Variants in HEBP1 observed in about 807,000 individuals in gnomAD.
The protein encoded by HEBP1 is heme binding protein 1.
Under a neutral mutation model 20.4 loss-of-function variants are expected in HEBP1, and 13 were observed. That is an observed-to-expected ratio of 0.64 (90% CI 0.42 to 1.01). The LOEUF (loss-of-function observed/expected upper bound fraction) is 1.01, where lower values mean the gene tolerates loss of function less well. Ranked by LOEUF, HEBP1 falls within the 50% of genes least tolerant of loss-of-function variation. The probability of loss-of-function intolerance (pLI) is 0.00; values close to 1 mark genes in which losing one functional copy is unlikely to be tolerated. For missense variants in HEBP1, 241 were observed against 247.3 expected (o/e 0.97, Z 0.17); for synonymous variants, 92 against 90.7 (o/e 1.01, Z -0.08).
At chr12:12,989,244 G>A (rs753922468) in intron 2 of HEBP1, 33 bp downstream of exon 2, 13 of 1,611,020 alleles carry the variant, frequency 8.1e-6, no homozygotes, top group East Asian at 6.7e-5. Flanking sequence ...GCTGGTCCCC[G>A]AGACCAGAGC....
chr12:12,985,178 A>G (rs1864137316), intron 3 of HEBP1, among the ~76,000 whole-genome samples: 1 of 152,086 alleles, frequency 6.6e-6, no homozygotes, highest in Non-Finnish European at 1.5e-5. Flanking sequence ...GGGAAATCTG[A>G]GCATTGAATA....
Position 12,989,411 on chromosome 12 carries a change from T to C in HEBP1, c.83A>G (p.Glu28Gly), listed in dbSNP as rs1232037496. Residue 28 changes from glutamate (E) to glycine (G), a missense_variant, in exon 2 of 4, where the codon GAA becomes GGA. Coordinates refer to ENST00000014930, the MANE Select transcript of HEBP1 (RefSeq NM_015987.5). ...WQVLSKGDKE[E>G]VAYEERACEG... ...ACAGGCCCTTTCTTCATAGGCAACT[T>C]CTTCCTAGAGAGAGAGAAGGTACAG... The C allele has an allele frequency of 6.2e-7, 1 of 1,614,118 alleles. No individual in the cohort carries two copies. Among genetic ancestry groups the C allele is most frequent in the Non-Finnish European group, 8.5e-7 (1 of 1,179,966 alleles).
intron 3 of HEBP1, among the ~76,000 whole-genome samples, chr12:12,978,670 T>C (rs1420454673): frequency 4.6e-5 from 7 of 151,498 alleles, no homozygotes; most frequent in Admixed American, 4.6e-4. Flanking sequence ...GAAAGGCAGA[T>C]TTGAGAGGTA....
intron 3 of HEBP1, 34 bp from the exon 4 acceptor site, chr12:12,975,513 G>C (rs944487177): frequency 2.5e-5 from 40 of 1,569,454 alleles, no homozygotes; most frequent in Non-Finnish European, 3.3e-5. Flanking sequence ...GGTTACGAAA[G>C]GACATGACCT....
At chr12:12,977,217 A>C (rs1864001433) in intron 3 of HEBP1, among the ~76,000 whole-genome samples, 1 of 152,180 alleles carries the variant, frequency 6.6e-6, no homozygotes, top group Admixed American at 6.5e-5. Flanking sequence ...TCACTGGTAA[A>C]ATAGGGATAG....
At chr12:12,976,088 A>AAAC (rs1863981750) in intron 3 of HEBP1, among the ~76,000 whole-genome samples, 12 of 151,628 alleles carry the variant, frequency 7.9e-5, no homozygotes, top group African/African-American at 2.4e-4. Flanking sequence ...AAAAAAAAAA[A>AAAC]AAAAAAAAAA....
intron 1 of HEBP1, among the ~76,000 whole-genome samples, chr12:12,990,225 C>A (rs1864205448): frequency 6.6e-6 from 1 of 151,830 alleles, no homozygotes; most frequent in African/African-American, 2.4e-5. Flanking sequence ...GGCTGGTGTG[C>A]AGTGGTATGA....
At chr12:12,978,468 G>T (rs1167478224) in intron 3 of HEBP1, among the ~76,000 whole-genome samples, 1 of 152,054 alleles carries the variant, frequency 6.6e-6, no homozygotes, top group Non-Finnish European at 1.5e-5. Context: ...CTCCTAAAGT[G>T]CTGGGATTAC....
chr12:12,993,100 GTCTT>G (rs1301812084), intron 1 of HEBP1, among the ~76,000 whole-genome samples: 2 of 151,508 alleles, frequency 1.3e-5, no homozygotes, highest in East Asian at 3.9e-4. Flanking sequence ...TCCTCTCTCT[GTCTT>G]TCTTTTTTTC....
intron 1 of HEBP1, among the ~76,000 whole-genome samples, chr12:12,990,144 AC>A (rs1864204057): frequency 6.8e-6 from 1 of 147,296 alleles, no homozygotes; most frequent in East Asian, 2.0e-4. Context: ...ACACACACAC[AC>A]ACACAAACAC....
chr12:12,983,547 C>A, intron 3 of HEBP1: 1 of 371,852 alleles, frequency 2.7e-6, no homozygotes, highest in Non-Finnish European at 5.5e-6. Flanking sequence ...CATTTGCCTT[C>A]TACCATCTCA....
intron 3 of HEBP1, chr12:12,979,055 C>T (rs1360156965): frequency 6.6e-6 from 1 of 152,090 alleles, no homozygotes; most frequent in Non-Finnish European, 1.5e-5. Flanking sequence ...TAAGAAGTGA[C>T]ATGTGGTAGA....
rs373214147 is a variant in HEBP1 at position 12,975,423 on chromosome 12, C to A, written c.455G>T (p.Arg152Leu). ...ADYVAQATRL[R>L]AALEGTATYR... ...GGTGGCTGTGCCCTCCAGGGCAGCACGCAGACGGGTGGCTTGTGCTACGTA... is the reference window on the plus strand; with the variant it reads ...GGTGGCTGTGCCCTCCAGGGCAGCAAGCAGACGGGTGGCTTGTGCTACGTA... Residue 152 changes from arginine (R) to leucine (L), a missense_variant, in exon 4 of 4, where the codon CGT becomes CTT. Transcript: ENST00000014930. 1.2e-6 allele frequency: 2 copies of A among 1,612,578 alleles called. No homozygotes were observed. Among genetic ancestry groups the A allele is most frequent in the Non-Finnish European group, 1.7e-6 (2 of 1,179,482 alleles).
In HEBP1 at chr12:13,000,033, C is replaced by G; in HGVS notation, c.78+4G>C. On this transcript the variant is annotated splice_donor_region_variant and intron_variant, in intron 1 of 3. Transcript: ENST00000014930. ...TCAGGTCCTCGGCAGCCCTGCGGGCCTACCTTGTCCCCTTTGCTTAGGACC... is the reference window on the plus strand; with the variant it reads ...TCAGGTCCTCGGCAGCCCTGCGGGCGTACCTTGTCCCCTTTGCTTAGGACC... 6.2e-7 allele frequency: 1 copy of G among 1,606,076 alleles called. No individual in the cohort carries two copies. Among genetic ancestry groups the G allele is most frequent in the Non-Finnish European group, 8.5e-7 (1 of 1,174,440 alleles).
chr12:12,979,538 T>G (rs1419571787), intron 3 of HEBP1: 1 of 152,218 alleles, frequency 6.6e-6, no homozygotes, highest in East Asian at 1.9e-4. Flanking sequence ...TTTGCCTCAT[T>G]GGTTCGTGCC....
chr12:12,990,052 T>C (rs879375599), intron 1 of HEBP1, among the ~76,000 whole-genome samples: 1 of 152,044 alleles, frequency 6.6e-6, no homozygotes, highest in Admixed American at 6.6e-5. Context: ...CTTTAAATCA[T>C]CTCTACATTA....
rs192239991 is a variant in HEBP1 at position 12,998,290 on chromosome 12, A to T, written c.78+1747T>A. Among the ~76,000 whole-genome samples, 28 of 152,324 alleles carry T rather than the reference A, an allele frequency of 1.8e-4. No individual in the cohort carries two copies. Among genetic ancestry groups the T allele is most frequent in the African/African-American group, 6.7e-4 (28 of 41,592 alleles). ...CATTGCCTAGAAGAGTGCCTGGCACATAGCACTCAAAAAACAGTTTTTGTC... is the reference window on the plus strand; with the variant it reads ...CATTGCCTAGAAGAGTGCCTGGCACTTAGCACTCAAAAAACAGTTTTTGTC... On this transcript the variant is annotated intron_variant, in intron 1 of 3. Coordinates refer to ENST00000014930, the MANE Select transcript of HEBP1 (RefSeq NM_015987.5). The surrounding 1 kb of genome is among the most constrained non-coding windows in gnomAD (Gnocchi z 4.2).
At chr12:12,988,945 C>G (rs1369670523) in intron 2 of HEBP1, among the ~76,000 whole-genome samples, 1 of 152,084 alleles carries the variant, frequency 6.6e-6, no homozygotes, top group Non-Finnish European at 1.5e-5. Flanking sequence ...TGTGGGCACA[C>G]GCCACCTAGT....
intron 1 of HEBP1, among the ~76,000 whole-genome samples, chr12:12,994,607 A>G (rs1864268981): frequency 6.6e-6 from 1 of 151,908 alleles, no homozygotes; most frequent in South Asian, 2.1e-4. Context: ...CCCATGATAC[A>G]CCTATCATCC....
Sources: allele counts gnomAD v4.1 joint callset (sites outside exome capture counted in the v4.1 genomes callset), GRCh38; gene constraint gnomAD v4.1.1; non-coding constraint Gnocchi (gnomAD v3.1); transcripts MANE v1.5; gene names NCBI Gene and HGNC (gene_info 2026-07-23, HGNC 2026-07-21).